The following ABCA2 variants were observed in gnomAD, a reference collection of about 807,000 sequenced individuals.
ABCA2 encodes ATP binding cassette subfamily A member 2, also known as ATP-binding cassette sub-family A member 2.
Under a neutral mutation model 262.8 loss-of-function variants are expected in ABCA2, and 84 were observed. The observed-to-expected ratio is 0.32, with a 90% CI of 0.27 to 0.38. The LOEUF is 0.38. Ranked by LOEUF, ABCA2 falls within the 10% of genes least tolerant of loss-of-function variation. The probability of loss-of-function intolerance (pLI) is 1.00; values close to 1 mark genes in which losing one functional copy is unlikely to be tolerated. For missense variants in ABCA2, 2,662 were observed against 3,405.9 expected, an observed-to-expected ratio of 0.78 and a Z score of 5.44; for synonymous variants, 1,696 against 1,502.9, an observed-to-expected ratio of 1.13 and a Z score of -2.97.
In ABCA2 at chr9:137,010,970, C is replaced by G; in HGVS notation, c.6056+3G>C. On this transcript the variant is annotated splice_donor_region_variant and intron_variant, in intron 39 of 48. Coordinates refer to ENST00000341511, the MANE Select transcript of ABCA2 (RefSeq NM_001606.5). ...CCCCCGCCCCACCCCGCCCCCCACT[C>G]ACTGTGGCCGCCGCAGGAAGTTGTA... 2 of 1,526,596 alleles carry G rather than the reference C, an allele frequency of 1.3e-6. No homozygotes were observed. Among genetic ancestry groups the G allele is most frequent in the Non-Finnish European group, 1.8e-6 (2 of 1,127,004 alleles). 94.6% of individuals were successfully genotyped at this position (1,526,596 alleles called of 1,614,324 possible). A position where few individuals can be genotyped will look rare whatever the true frequency, so the allele number is the denominator to read the frequency against.
At position 137,011,807 on chromosome 9, in the gene ABCA2, G is replaced by A. The variant is rs1215287878; in HGVS notation, c.5535+37C>T. On this transcript the variant is annotated intron_variant, in intron 35 of 48. Transcript: ENST00000341511. This position sits in a 1 kb window ranked among gnomAD's most constrained non-coding sequence, Gnocchi z 8.8. ...GGGGCAGGGCGGGGATGGGGGATGA[G>A]AAGGGCCGGGGCACCCCATGGCCAC... 1 of 1,554,200 alleles carries A rather than the reference G, an allele frequency of 6.4e-7. No individual in the cohort carries two copies. Among genetic ancestry groups the A allele is most frequent in the Admixed American group, 1.9e-5 (1 of 51,522 alleles).
At position 137,011,262 on chromosome 9, in the gene ABCA2, G is replaced by A; in HGVS notation, c.5847C>T (p.Phe1949=). Residue 1949 remains phenylalanine, a synonymous_variant, in exon 38 of 49, where the codon TTC becomes TTT. Transcript: ENST00000341511. This position sits in a 1 kb window ranked among gnomAD's most constrained non-coding sequence, Gnocchi z 8.8. ...NSYLKSCFLI[F]PNYNLGHGLM... The stretch of plus-strand genomic sequence containing the variant: ...GCCCGTGGCCCAGGTTGTAGTTGGG[G>A]AAAATGAGGAAGCAGCTTTTCAGGT... The A allele has an allele frequency of 2.5e-6, 4 of 1,612,424 alleles. No individual in the cohort carries two copies. The highest frequency in any genetic ancestry group is 3.4e-6 in the Non-Finnish European group (4 of 1,179,800).
rs572485540 is a variant in ABCA2, at chr9:137,008,686, G to A, written c.7068+45C>T. ...TGGGGTGAGGAGGGGCAGGGCGGGT[G>A]AGGGGAGGGGCAGGTGTGGTGCGCA... On this transcript the variant is annotated intron_variant, in intron 47 of 48. Coordinates refer to ENST00000341511, the MANE Select transcript of ABCA2 (RefSeq NM_001606.5). The A allele has an allele frequency of 3.8e-6, 6 of 1,561,624 alleles. 1 individual carries two copies. The African/African-American group carries it at 4.0e-5, about 11-fold the overall frequency.
intron 45 of ABCA2, 38 bp downstream of exon 45, chr9:137,009,332 G>GGGCCCCCCCCCC: frequency 8.2e-6 from 8 of 980,410 alleles, no homozygotes; most frequent in Non-Finnish European, 1.2e-5. Flanking sequence ...CCCCCCCCGG[G>GGGCCCCCCCCCC]CCCGCCCCAG....
At chr9:137,023,725 G>A in intron 3 of ABCA2, 113 bp downstream of exon 3, 3 of 707,782 alleles carry the variant, frequency 4.2e-6, no homozygotes, top group Non-Finnish European at 7.9e-6. Flanking sequence ...AGGCCGGCAG[G>A]GGGCCCGGGA....
chr9:137,015,887 G>A lies in ABCA2; in HGVS notation c.3318-16C>T, dbSNP rs1207847507. ...CTCGATCATCCTGGGACAGGGAGGT[G>A]GGGCATGGGGCTGCTGCTATGCAGA... On this transcript the variant is annotated splice_polypyrimidine_tract_variant and intron_variant, in intron 22 of 48. Transcript: ENST00000341511. 1 of 1,607,330 alleles carries A rather than the reference G, an allele frequency of 6.2e-7. No homozygotes were observed. The highest frequency in any genetic ancestry group is 1.7e-5 in the Admixed American group (1 of 59,832).
chr9:137,013,507 G>A lies in ABCA2; in HGVS notation c.4504C>T (p.Arg1502Cys), dbSNP rs779401181. 34 of 1,610,164 alleles carry A rather than the reference G, an allele frequency of 2.1e-5. No individual in the cohort carries two copies. In the Middle Eastern group the frequency reaches 6.6e-4, roughly 31 times the overall value. ...TTGGCGTAGGGGATGAAATTGCCAC[G>A]GGGCTGGGTGTAGTTGTGGTACTGG... is the stretch of plus-strand genomic sequence containing the variant. ...PSQYHNYTQPRGNFIPYANEE... is the reference protein window; with the variant it reads ...PSQYHNYTQPCGNFIPYANEE... The change falls in exon 29 of 49, where the codon CGT becomes TGT. Residue 1502 changes from arginine (R) to cysteine (C), a missense_variant. By Grantham distance (180) the Arg-to-Cys change is radical (BLOSUM62 -3). Coordinates refer to ENST00000341511, the MANE Select transcript of ABCA2 (RefSeq NM_001606.5).
chr9:137,019,099 G>T lies in ABCA2; in HGVS notation c.1555-29C>A, dbSNP rs1308721405. On this transcript the variant is annotated intron_variant, in intron 11 of 48. Coordinates refer to ENST00000341511, the MANE Select transcript of ABCA2 (RefSeq NM_001606.5). The surrounding 1 kb of genome is among the most constrained non-coding windows in gnomAD (Gnocchi z 4.4). ...GGGGTGGAGGGGCGGCTCAGAGGGG[G>T]ACCTGCGCCTGCCGAGCCGGGCAGA... 3 of 1,602,974 alleles carry T rather than the reference G, an allele frequency of 1.9e-6. No individual in the cohort carries two copies. The highest frequency in any genetic ancestry group is 2.2e-5 in the East Asian group (1 of 44,636).
intron 10 of ABCA2, 72 bp downstream of exon 10, chr9:137,020,264 C>T (rs567232645): frequency 4.6e-5 from 73 of 1,592,138 alleles, no homozygotes; most frequent in Non-Finnish European, 5.5e-5. Context: ...ACCCTCTGCC[C>T]AGGGGTCCCA....
chr9:137,021,831 C>G lies in ABCA2; in HGVS notation c.678+60G>C. The G allele has an allele frequency of 1.4e-6, 2 of 1,468,080 alleles. No homozygotes were observed. Among genetic ancestry groups the G allele is most frequent in the Non-Finnish European group, 1.9e-6 (2 of 1,070,584 alleles). 90.9% of individuals were successfully genotyped at this position (1,468,080 alleles called of 1,614,324 possible). On this transcript the variant is annotated intron_variant, in intron 7 of 48. Transcript: ENST00000341511. This position sits in a 1 kb window ranked among gnomAD's most constrained non-coding sequence, Gnocchi z 6.0. ...AGGGGCCCTTTCCTCACCCACGGAGCAGAAGCACCCCCAGAGGCAGGCAGC... is the reference window on the plus strand; with the variant it reads ...AGGGGCCCTTTCCTCACCCACGGAGGAGAAGCACCCCCAGAGGCAGGCAGC...
chr9:137,023,123 G>T (rs1831537902), intron 3 of ABCA2, 71 bp from the exon 4 acceptor site: 1 of 1,175,008 alleles, frequency 8.5e-7, no homozygotes, highest in Non-Finnish European at 1.2e-6. Flanking sequence ...TCCAGAAGGG[G>T]AGGGAGACAG....
chr9:137,020,230 C>G, intron 10 of ABCA2, 106 bp downstream of exon 10: 1 of 1,489,718 alleles, frequency 6.7e-7, no homozygotes, highest in Non-Finnish European at 9.2e-7. Context: ...CACCCCGTAC[C>G]CCTCCCGTGT....
intron 34 of ABCA2, 34 bp downstream of exon 34, chr9:137,012,068 C>T (rs1831068178): frequency 1.2e-6 from 2 of 1,612,458 alleles, no homozygotes; most frequent in East Asian, 4.5e-5. Context: ...CAGTGCCCAC[C>T]TGCCCCACCT....
chr9:137,024,432 G>A (rs1339175159), intron 1 of ABCA2, among the ~76,000 whole-genome samples, 196 bp from the exon 2 acceptor site: 1 of 152,216 alleles, frequency 6.6e-6, no homozygotes, highest in African/African-American at 2.4e-5. Flanking sequence ...GTCTGGCTCA[G>A]CAAATCAGGT....
At chr9:137,009,953 G>A (rs1045979176) in intron 42 of ABCA2, 30 bp downstream of exon 42, 5 of 1,595,642 alleles carry the variant, frequency 3.1e-6, no homozygotes, top group Admixed American at 1.7e-5. Flanking sequence ...CCAGCGTGCT[G>A]ACTCCCTGCC....
rs939412367 is a variant in ABCA2 at position 137,007,576 on chromosome 9, G to A, written c.*353C>T. On this transcript the variant is annotated 3_prime_UTR_variant, in exon 49 of 49. Coordinates refer to ENST00000341511, the MANE Select transcript of ABCA2 (RefSeq NM_001606.5). Reference sequence around the variant, plus strand: ...ATCGTAAGAGAGAAAAGCTGGTTCCGAGGCCGGGCAGGAGAAAGGCCAGCA... The same window carrying A: ...ATCGTAAGAGAGAAAAGCTGGTTCCAAGGCCGGGCAGGAGAAAGGCCAGCA... The A allele has an allele frequency of 5.2e-6, 2 of 381,878 alleles. No homozygotes were observed. The highest frequency in any genetic ancestry group is 4.8e-6 in the Non-Finnish European group (1 of 206,204). 23.7% of individuals were successfully genotyped at this position (381,878 alleles called of 1,614,324 possible).
In ABCA2 at chr9:137,017,871, C is replaced by G. The variant is rs761477579; in HGVS notation, c.2127G>C (p.Pro709=). The change falls in exon 16 of 49, where the codon CCG becomes CCC. Residue 709 remains proline (P), a synonymous_variant. Coordinates refer to ENST00000341511, the MANE Select transcript of ABCA2 (RefSeq NM_001606.5). Reference sequence around the variant, plus strand: ...AGACCCAGGAGATCACCATGCACAGCGGCATCATGTGCTCAATGACAAACA... The same window carrying G: ...AGACCCAGGAGATCACCATGCACAGGGGCATCATGTGCTCAATGACAAACA... The part of the protein sequence containing the change: ...DFLFVIEHMM[P]LCMVISWVYS... The G allele has an allele frequency of 6.2e-6, 10 of 1,612,488 alleles. No individual in the cohort carries two copies. The Admixed American group carries it at 1.2e-4, about 19-fold the overall frequency.
chr9:137,018,441 G>A, intron 13 of ABCA2, 90 bp from the exon 14 acceptor site: 1 of 877,026 alleles, frequency 1.1e-6, no homozygotes, highest in Non-Finnish European at 1.6e-6. Context: ...GCGGGGCCAA[G>A]GTGTGGGGGC....
Position 137,008,516 on chromosome 9 carries a change from C to T in ABCA2, c.7175G>A (p.Arg2392Gln), listed in dbSNP as rs547600750. The T allele has an allele frequency of 5.8e-5, 93 of 1,590,816 alleles. No homozygotes were observed. The highest frequency in any genetic ancestry group is 3.3e-4 in the Middle Eastern group (2 of 6,034). ...SPLGCLLSLL[R>Q]PRSAPTELRA... ...GAGCTCCGTGGGGGCAGACCGGGGC[C>T]GGAGCAGGCTGAGCAAGCAGCCGAG... The change falls in exon 48 of 49, where the codon CGG becomes CAG. Residue 2392 changes from arginine to glutamine, a missense_variant. Transcript: ENST00000341511.
Sources: gnomAD v4.1 joint callset for allele counts (sites outside exome capture counted in the v4.1 genomes callset) on GRCh38, gnomAD v4.1.1 for gene constraint, Gnocchi (gnomAD v3.1) non-coding constraint, MANE v1.5 for transcripts, NCBI Gene and HGNC (gene_info 2026-07-23, HGNC 2026-07-21) for gene names.